Variants in SNAP47 observed in about 807,000 individuals in gnomAD.
SNAP47 encodes the protein synaptosomal-associated protein 47.
Under a neutral mutation model 31.4 loss-of-function variants are expected in SNAP47, and 20 were observed. That is an observed-to-expected ratio of 0.64 (90% CI 0.45 to 0.93). The LOEUF (loss-of-function observed/expected upper bound fraction) is 0.93, where lower values mean the gene tolerates loss of function less well. SNAP47 is among the 40% of genes least tolerant of loss of function. The pLI is 0.00. For missense variants in SNAP47, 492 were observed against 528.5 expected (o/e 0.93, Z 0.68); for synonymous variants, 194 against 213.4 (o/e 0.91, Z 0.79).
At chr1:227,732,333 G>A, upstream of SNAP47, 1 of 1,579,516 alleles carries the variant, frequency 6.3e-7, no homozygotes. Context: ...ATTTCTGGAA[G>A]GGCCCCGGAG....
chr1:227,779,524 G>A (rs1223721758), intron 4 of SNAP47, among the ~76,000 whole-genome samples: 5 of 152,206 alleles, frequency 3.3e-5, no homozygotes, highest in Non-Finnish European at 7.3e-5. Flanking sequence ...CAACTGGTGG[G>A]TACACAGCAC....
rs1472011322 is a variant in SNAP47 at position 227,748,655 on chromosome 1, T to C, written c.497+422T>C. Among the ~76,000 whole-genome samples, 3 of 152,186 alleles carry C rather than the reference T, an allele frequency of 2.0e-5. No homozygotes were observed. In the East Asian group the frequency reaches 5.8e-4, roughly 29 times the overall value. ...GAGGATGGAGTGAGGTCTGTCTTGA[T>C]GACGGCCTCTGTTAGTGAGGTGTCT... On this transcript the variant is annotated intron_variant, in intron 2 of 4. Coordinates refer to ENST00000617596, the MANE Select transcript of SNAP47 (RefSeq NM_053052.4).
upstream of SNAP47, chr1:227,732,677 C>T: frequency 3.1e-6 from 5 of 1,612,270 alleles, no homozygotes; most frequent in Non-Finnish European, 4.2e-6. Context: ...TCATGATGAC[C>T]TGGGCAGAGG....
At chr1:227,748,273 TA>T (rs1363157954) in intron 2 of SNAP47, 40 bp downstream of exon 2, 1 of 1,499,342 alleles carries the variant, frequency 6.7e-7, no homozygotes, top group African/African-American at 1.4e-5. Context: ...ACACACAGAG[TA>T]AGATGCACAT....
intron 4 of SNAP47, among the ~76,000 whole-genome samples, chr1:227,771,900 C>G (rs1663837589): frequency 1.3e-5 from 2 of 152,170 alleles, no homozygotes; most frequent in Non-Finnish European, 1.5e-5. Context: ...AAGGGCCTGG[C>G]AGGAGAGAGT....
chr1:227,759,558 G>A, intron 3 of SNAP47, 73 bp downstream of exon 3: 2 of 1,551,088 alleles, frequency 1.3e-6, no homozygotes, highest in South Asian at 1.2e-5. Context: ...ACGCCTGTGG[G>A]AAATGCCTAA....
At chr1:227,760,338 A>T (rs1662983335) in intron 3 of SNAP47, among the ~76,000 whole-genome samples, 1 of 152,146 alleles carries the variant, frequency 6.6e-6, no homozygotes, top group South Asian at 2.1e-4. Flanking sequence ...TGGGCATTTA[A>T]TCTAGGTTTT....
intron 4 of SNAP47, chr1:227,776,298 A>C: frequency 1.0e-6 from 1 of 994,230 alleles, no homozygotes; most frequent in Non-Finnish European, 1.2e-6. Context: ...TCCTTCAAGC[A>C]CTCCTTGCTC....
upstream of SNAP47, chr1:227,732,866 G>A (rs749298668): frequency 5.0e-6 from 8 of 1,612,136 alleles, no homozygotes; most frequent in East Asian, 1.8e-4. Context: ...TAGCCTCCAT[G>A]CGTAGCCACC....
At chr1:227,758,397 G>T (rs1028229095) in intron 2 of SNAP47, among the ~76,000 whole-genome samples, 7 of 152,218 alleles carry the variant, frequency 4.6e-5, no homozygotes, top group Non-Finnish European at 1.0e-4. Context: ...TCCAATCCCA[G>T]CAGAGGCTGA....
chr1:227,734,351 TTA>T (rs1660907605), upstream of SNAP47: 1 of 263,806 alleles, frequency 3.8e-6, no homozygotes, highest in South Asian at 8.5e-5. Flanking sequence ...CCTAGTCTCT[TTA>T]AAAAAAAAAA....
In SNAP47 at chr1:227,781,012, T is replaced by C. The variant is rs1431075540; in HGVS notation, c.*339T>C. ...GCTCCCTTTCATGGACAGACTGGCC[T>C]TCTTAGCTGTACTATAAATTTGTGA... On this transcript the variant is annotated 3_prime_UTR_variant, in exon 5 of 5. Coordinates refer to ENST00000617596, the MANE Select transcript of SNAP47 (RefSeq NM_053052.4). 1 of 290,722 alleles carries C rather than the reference T, an allele frequency of 3.4e-6. No homozygotes were observed. Among genetic ancestry groups the C allele is most frequent in the Non-Finnish European group, 6.5e-6 (1 of 154,050 alleles). The allele number at this position is 290,722 out of a possible 1,614,324, so 18.0% of individuals were successfully genotyped here. A position where few individuals can be genotyped will look rare whatever the true frequency, so the allele number is the denominator to read the frequency against.
At chr1:227,771,849 C>G (rs369573178) in intron 4 of SNAP47, among the ~76,000 whole-genome samples, 1 of 152,116 alleles carries the variant, frequency 6.6e-6, no homozygotes, top group South Asian at 2.1e-4. Context: ...GATGCTCACA[C>G]CAACCAGTAC....
chr1:227,776,529 A>G, intron 4 of SNAP47: 2 of 985,614 alleles, frequency 2.0e-6, no homozygotes, highest in Non-Finnish European at 2.4e-6. Context: ...AGCTGACAGC[A>G]TCCTGCACAA....
At chr1:227,775,996 G>A in intron 4 of SNAP47, 16 of 1,245,634 alleles carry the variant, frequency 1.3e-5, no homozygotes, top group Non-Finnish European at 1.7e-5. Context: ...GGAGGAAAGT[G>A]GCTTTGGTGC....
At chr1:227,761,763 A>C (rs1476689145) in intron 3 of SNAP47, among the ~76,000 whole-genome samples, 1 of 151,912 alleles carries the variant, frequency 6.6e-6, no homozygotes, top group Non-Finnish European at 1.5e-5. Flanking sequence ...CATTCTGTGG[A>C]GTTCAGGACT....
At chr1:227,748,640 TG>T (rs1425714031) in intron 2 of SNAP47, among the ~76,000 whole-genome samples, 1 of 152,180 alleles carries the variant, frequency 6.6e-6, no homozygotes, top group East Asian at 1.9e-4. Context: ...GAGGATGGAG[TG>T]AGGTCTGTCT....
chr1:227,747,963 C>T lies in SNAP47; in HGVS notation c.227C>T (p.Ala76Val), dbSNP rs1428859642. The T allele has an allele frequency of 7.4e-6, 12 of 1,614,126 alleles. No homozygotes were observed. The highest frequency in any genetic ancestry group is 1.1e-5 in the South Asian group (1 of 91,088). Reference sequence around the variant, plus strand: ...ATCACCATCCTGGAGAAGGGCCATGCCAAGCACTGGTTCAGCTCCCTGCGG... The same window carrying T: ...ATCACCATCCTGGAGAAGGGCCATGTCAAGCACTGGTTCAGCTCCCTGCGG... ...SSITILEKGHAKHWFSSLRPS... is the reference protein window; with the variant it reads ...SSITILEKGHVKHWFSSLRPS... Residue 76 changes from alanine to valine, a missense_variant, in exon 2 of 5, where the codon GCC becomes GTC. Ala to Val is a moderately conservative substitution (Grantham distance 64). Transcript: ENST00000617596.
chr1:227,735,251 A>G, upstream of SNAP47: 1 of 1,602,806 alleles, frequency 6.2e-7, no homozygotes, highest in Non-Finnish European at 8.5e-7. Context: ...GCTGTCGGCG[A>G]GGGCGCGCGT....
Sources: allele counts gnomAD v4.1 joint callset (sites outside exome capture counted in the v4.1 genomes callset), GRCh38; gene constraint gnomAD v4.1.1; transcripts MANE v1.5; gene names NCBI Gene and HGNC (gene_info 2026-07-23, HGNC 2026-07-21).